NLGN1: variants seen among roughly 807,000 people sequenced by gnomAD.
NLGN1 encodes neuroligin-1.
In NLGN1, 12 loss-of-function variants were observed where a neutral mutation model predicts 65.5. The ratio of observed to expected loss-of-function variants is 0.18; its 90% CI spans 0.12 to 0.30. The LOEUF is 0.30. NLGN1 is among the 10% of genes least tolerant of loss of function. The probability of loss-of-function intolerance (pLI) is 1.00; values close to 1 mark genes in which losing one functional copy is unlikely to be tolerated. For missense variants in NLGN1, 750 were observed against 1,007.1 expected (o/e 0.74, Z 3.46); for synonymous variants, 350 against 359.5 (o/e 0.97, Z 0.30).
chr3:173,764,655 C>T (rs1029046846), intron 3 of NLGN1, among the ~76,000 whole-genome samples: 1 of 152,070 alleles, frequency 6.6e-6, no homozygotes, highest in Non-Finnish European at 1.5e-5. Context: ...GCATAATCTG[C>T]ATAACTACCT....
chr3:174,132,192 A>T (rs1326139879), intron 4 of NLGN1, among the ~76,000 whole-genome samples: 1 of 152,238 alleles, frequency 6.6e-6, no homozygotes, highest in Non-Finnish European at 1.5e-5. Flanking sequence ...TTAACATAAT[A>T]CTTGGCAGCC....
At chr3:173,852,355 C>A (rs1578792216) in intron 4 of NLGN1, among the ~76,000 whole-genome samples, 3 of 46,658 alleles carry the variant, frequency 6.4e-5, no homozygotes, top group East Asian at 9.6e-4. Flanking sequence ...GACTCCGTCT[C>A]AAAAAAAAAA....
At chr3:174,080,922 G>GGTGTGTGTGTGTGTGT (rs571057944) in intron 4 of NLGN1, among the ~76,000 whole-genome samples, 2,904 of 141,122 alleles carry the variant, frequency 0.021, 58 homozygotes, top group African/African-American at 0.044. Context: ...TGACATTCCT[G>GGTGTGTGTGTGTGTGT]GTGTGTGTGT....
chr3:173,401,412 A>T (rs1409507525), intron 1 of NLGN1, among the ~76,000 whole-genome samples: 1 of 150,712 alleles, frequency 6.6e-6, no homozygotes, highest in African/African-American at 2.4e-5. Context: ...TCCCTGCATT[A>T]TGGTGGTGGC....
intron 4 of NLGN1, among the ~76,000 whole-genome samples, chr3:174,266,203 C>T (rs1240809250): frequency 1.3e-5 from 2 of 151,974 alleles, no homozygotes; most frequent in African/African-American, 4.8e-5. Context: ...TCTTCACCCT[C>T]CCCCTAGCCT....
rs965800500 is a variant in NLGN1, at chr3:174,280,536, C to A, written c.1705C>A (p.Arg569Ser). The A allele has an allele frequency of 1.9e-6, 3 of 1,612,724 alleles. No individual in the cohort carries two copies. In the Admixed American group the frequency reaches 5.0e-5, roughly 27 times the overall value. ...GAAATTCATTCATACCAAACCCAAC[C>A]GTTTTGAAGAAGTAGCATGGACCAG... Residue 569 changes from arginine to serine, a missense_variant, in exon 7 of 7, where the codon CGT becomes AGT. Transcript: ENST00000457714. This position sits in a 1 kb window ranked among gnomAD's most constrained non-coding sequence, Gnocchi z 4.9.
chr3:174,048,629 A>G (rs1029318267), intron 4 of NLGN1, among the ~76,000 whole-genome samples: 4 of 152,072 alleles, frequency 2.6e-5, no homozygotes, highest in Non-Finnish European at 5.9e-5. Context: ...ACAAAAGCCA[A>G]TCCATAAAGA....
At chr3:174,236,457 G>T (rs1020194814) in intron 4 of NLGN1, among the ~76,000 whole-genome samples, 1 of 151,960 alleles carries the variant, frequency 6.6e-6, no homozygotes, top group African/African-American at 2.4e-5. Context: ...TGTAACATCA[G>T]AGACATGTAA....
At chr3:173,864,912 T>C (rs1173939328) in intron 4 of NLGN1, among the ~76,000 whole-genome samples, 1 of 152,182 alleles carries the variant, frequency 6.6e-6, no homozygotes, top group African/African-American at 2.4e-5. Context: ...CTAAACTGCC[T>C]TTTAGGGGGA....
At chr3:173,570,586 TCCCCCCA>T (rs1337212237) in intron 2 of NLGN1, among the ~76,000 whole-genome samples, 58 of 152,224 alleles carry the variant, frequency 3.8e-4, no homozygotes, top group African/African-American at 1.3e-3. Flanking sequence ...CAGGAAGCCC[TCCCCCCA>T]ATGGGTGCTG....
intron 3 of NLGN1, among the ~76,000 whole-genome samples, chr3:173,702,466 A>G (rs536418086): frequency 1.5e-4 from 23 of 152,348 alleles, no homozygotes; most frequent in African/African-American, 5.5e-4. Context: ...TAATTAATTA[A>G]TAGAATACCT....
intron 4 of NLGN1, among the ~76,000 whole-genome samples, chr3:173,989,486 T>C (rs1045544908): frequency 6.6e-6 from 1 of 152,152 alleles, no homozygotes; most frequent in African/African-American, 2.4e-5. Flanking sequence ...GAAGCCTCCT[T>C]TAGGATTAAT....
intron 3 of NLGN1, among the ~76,000 whole-genome samples, chr3:173,714,605 C>T (rs1578090833): frequency 6.6e-6 from 1 of 152,034 alleles, no homozygotes; most frequent in Non-Finnish European, 1.5e-5. Context: ...TTAAGGGGAA[C>T]CCATTTATTT....
chr3:173,457,018 T>C (rs1722615887), intron 2 of NLGN1, among the ~76,000 whole-genome samples: 1 of 152,106 alleles, frequency 6.6e-6, no homozygotes, highest in South Asian at 2.1e-4. Context: ...TTCCCATTTT[T>C]GCATCTTCTA....
chr3:173,820,986 A>G (rs1420649766), intron 4 of NLGN1, among the ~76,000 whole-genome samples: 1 of 152,196 alleles, frequency 6.6e-6, no homozygotes, highest in African/African-American at 2.4e-5. Context: ...AACCATTATC[A>G]CAAATAGAGA....
intron 4 of NLGN1, among the ~76,000 whole-genome samples, chr3:174,017,681 C>G (rs946941639): frequency 5.3e-5 from 8 of 152,018 alleles, no homozygotes; most frequent in African/African-American, 1.9e-4. Context: ...CGTGATGCCC[C>G]CGTCAAGCCG....
At chr3:173,414,591 A>C (rs1271067402) in intron 1 of NLGN1, among the ~76,000 whole-genome samples, 1 of 151,900 alleles carries the variant, frequency 6.6e-6, no homozygotes, top group Non-Finnish European at 1.5e-5. Context: ...GTGAAAAAAA[A>C]AAAAGCACCA....
chr3:173,980,310 A>G (rs1275531291), intron 4 of NLGN1, among the ~76,000 whole-genome samples: 1 of 151,974 alleles, frequency 6.6e-6, no homozygotes, highest in African/African-American at 2.4e-5. Flanking sequence ...GTTTCCATTC[A>G]TATTTTCCGT....
chr3:173,766,699 G>A (rs1251376040), intron 3 of NLGN1, among the ~76,000 whole-genome samples: 1 of 152,164 alleles, frequency 6.6e-6, no homozygotes, highest in Non-Finnish European at 1.5e-5. Flanking sequence ...TGTTAGAATA[G>A]TACTGATTCT....
Sources: allele counts gnomAD v4.1 joint callset (sites outside exome capture counted in the v4.1 genomes callset), GRCh38; gene constraint gnomAD v4.1.1; non-coding constraint Gnocchi (gnomAD v3.1); transcripts MANE v1.5; gene names NCBI Gene and HGNC (gene_info 2026-07-23, HGNC 2026-07-21).